The following MYL4 variants were observed in gnomAD, a reference collection of about 807,000 sequenced individuals.
The protein encoded by MYL4 is myosin light chain 4.
In MYL4, 16 loss-of-function variants were observed where a neutral mutation model predicts 21.6. The ratio of observed to expected loss-of-function variants is 0.74; its 90% CI spans 0.50 to 1.12. The LOEUF (loss-of-function observed/expected upper bound fraction) is 1.12. Among genes scored for constraint, MYL4 ranks in the 50% most tolerant of loss-of-function variants. MYL4 has a pLI of 0.00. For missense variants in MYL4, 249 were observed against 252.9 expected (o/e 0.98, Z 0.11); for synonymous variants, 82 against 95.7 (o/e 0.86, Z 0.83).
In MYL4 at chr17:47,221,098, T is replaced by C. The variant is rs9893095; in HGVS notation, c.314-584T>C. On this transcript the variant is annotated intron_variant, in intron 3 of 6. Coordinates refer to ENST00000393450, the MANE Select transcript of MYL4 (RefSeq NM_002476.2). ...TTGTGATATTTAAAAATAGTTTGCCTCTATTAAATTAAAGCCTTTTAAATA... is the reference window on the plus strand; with the variant it reads ...TTGTGATATTTAAAAATAGTTTGCCCCTATTAAATTAAAGCCTTTTAAATA... 8.2e-3 allele frequency among the ~76,000 whole-genome samples: 1,256 copies of C among 152,338 alleles called. 22 individuals carry two copies. The highest frequency in any genetic ancestry group is 0.029 in the African/African-American group (1,217 of 41,574).
chr17:47,225,739 G>T (rs542424359), downstream of MYL4, among the ~76,000 whole-genome samples: 3 of 151,788 alleles, frequency 2.0e-5, no homozygotes, highest in Admixed American at 2.0e-4. Flanking sequence ...TCCCTACCTC[G>T]CAGACTGCTC....
At chr17:47,198,050 A>G (rs1296167886), upstream of MYL4, among the ~76,000 whole-genome samples, 1 of 152,200 alleles carries the variant, frequency 6.6e-6, no homozygotes, top group Non-Finnish European at 1.5e-5. Context: ...TGAGACCAGA[A>G]TTTGAAAAAG....
At chr17:47,225,632 G>A (rs2064882247), downstream of MYL4, among the ~76,000 whole-genome samples, 4 of 152,130 alleles carry the variant, frequency 2.6e-5, no homozygotes, top group Admixed American at 2.6e-4. Context: ...TGTTGACAAG[G>A]TCCCCTGAAT....
At chr17:47,225,855 CT>C (rs60342000), downstream of MYL4, among the ~76,000 whole-genome samples, 2,690 of 113,246 alleles carry the variant, frequency 0.024, 55 homozygotes, top group East Asian at 0.096. Context: ...TCCTTCCCTT[CT>C]TTTTTTTTTT....
chr17:47,207,181 C>G (rs1395234389), upstream of MYL4, among the ~76,000 whole-genome samples: 1 of 152,194 alleles, frequency 6.6e-6, no homozygotes, highest in East Asian at 1.9e-4. Flanking sequence ...TGGTCTCGTT[C>G]TAGTATTCCC....
upstream of MYL4, chr17:47,209,025 T>G: frequency 3.7e-6 from 1 of 267,396 alleles, no homozygotes; most frequent in Non-Finnish European, 7.2e-6. Flanking sequence ...TCCCCTGGGC[T>G]TTGTGTGAGG....
chr17:47,207,892 C>T (rs1276132899), upstream of MYL4, among the ~76,000 whole-genome samples: 1 of 152,180 alleles, frequency 6.6e-6, no homozygotes, highest in Non-Finnish European at 1.5e-5. Context: ...CCAGAGGTGT[C>T]TCTGTTAACA....
chr17:47,213,792 C>A lies in MYL4; in HGVS notation c.136-7C>A. On this transcript the variant is annotated splice_polypyrimidine_tract_variant and splice_region_variant and intron_variant, in intron 1 of 6. Transcript: ENST00000393450. ...CCAAGCCCTCACTACTATTTCCCTC[C>A]CTACAGATAGACTTCACTGCCGACC... 6.2e-7 allele frequency: 1 copy of A among 1,614,106 alleles called. No homozygotes were observed. The highest frequency in any genetic ancestry group is 2.2e-5 in the East Asian group (1 of 44,884).
At chr17:47,204,035 T>C (rs1484403596), upstream of MYL4, among the ~76,000 whole-genome samples, 1 of 152,174 alleles carries the variant, frequency 6.6e-6, no homozygotes, top group East Asian at 1.9e-4. Flanking sequence ...GGGGGAACAT[T>C]TGTCTAAAGT....
At chr17:47,193,324 A>C in the MYL4 span, among the ~76,000 whole-genome samples, 1 of 150,394 alleles carries the variant, frequency 6.6e-6, no homozygotes, top group East Asian at 2.0e-4. Flanking sequence ...CTGGAGTGCA[A>C]TGGCGCTATC....
upstream of MYL4, among the ~76,000 whole-genome samples, chr17:47,199,697 C>T (rs2078434092): frequency 6.8e-6 from 1 of 147,290 alleles, no homozygotes. Flanking sequence ...AAAGTACCTG[C>T]ATATTGTAGG....
intron 2 of MYL4, among the ~76,000 whole-genome samples, chr17:47,217,627 T>C (rs1020667865): frequency 5.9e-5 from 9 of 152,228 alleles, no homozygotes; most frequent in Non-Finnish European, 1.2e-4. Flanking sequence ...AGCAGCATTG[T>C]TTATGCATTT....
At chr17:47,225,190 T>C (rs146358107), downstream of MYL4, among the ~76,000 whole-genome samples, 14 of 152,322 alleles carry the variant, frequency 9.2e-5, no homozygotes, top group East Asian at 2.5e-3. Context: ...CTGAGAACCA[T>C]GAGCCCAAGT....
In MYL4 at chr17:47,222,422, G is replaced by A. The variant is rs2149049181; in HGVS notation, c.530G>A (p.Gly177Glu). Residue 177 changes from glycine (G) to glutamate (E), a missense_variant, in exon 5 of 7, where the codon GGG (glycine) becomes GAG (glutamate). Physicochemically the swap from Gly to Glu is moderately conservative, Grantham distance 98. Coordinates refer to ENST00000393450, the MANE Select transcript of MYL4 (RefSeq NM_002476.2). ...GCTGAAGTGGAGCAGCTGTTAGCTG[G>A]GCAAGAGGATGCCAATGGCTGCATC... is the stretch of plus-strand genomic sequence containing the variant. ...TEAEVEQLLAGQEDANGCINY... is the reference protein window; with the variant it reads ...TEAEVEQLLAEQEDANGCINY... 2 of 1,614,088 alleles carry A rather than the reference G, an allele frequency of 1.2e-6. No homozygotes were observed. The highest frequency in any genetic ancestry group is 8.5e-7 in the Non-Finnish European group (1 of 1,179,974).
chr17:47,222,291 C>A (rs1056476791), intron 4 of MYL4, 89 bp from the exon 5 acceptor site: 40 of 1,272,702 alleles, frequency 3.1e-5, no homozygotes, highest in Middle Eastern at 1.8e-4. Flanking sequence ...CAGTCTTGGA[C>A]CTTCACACTT....
intron 2 of MYL4, chr17:47,214,043 G>A (rs2064796470): frequency 1.9e-6 from 1 of 539,380 alleles, no homozygotes; most frequent in Middle Eastern, 4.3e-4. Flanking sequence ...CCATGAGGTA[G>A]AAATTGTTAC....
downstream of MYL4, among the ~76,000 whole-genome samples, chr17:47,225,201 T>C (rs2064880680): frequency 6.6e-6 from 1 of 152,142 alleles, no homozygotes; most frequent in Non-Finnish European, 1.5e-5. Flanking sequence ...GAGCCCAAGT[T>C]TGCTTTTCTT....
At chr17:47,202,789 T>A (rs2064714397) in intron 1 of MYL4, among the ~76,000 whole-genome samples, 1 of 152,208 alleles carries the variant, frequency 6.6e-6, no homozygotes, top group Admixed American at 6.5e-5. Context: ...TTGTAGCCAA[T>A]TTACATAATA....
chr17:47,219,758 ACG>A (rs1184193795), intron 2 of MYL4, 144 bp from the exon 3 acceptor site: 2 of 978,626 alleles, frequency 2.0e-6, no homozygotes, highest in Non-Finnish European at 3.1e-6. Flanking sequence ...GGTTCGAGGG[ACG>A]GCCTGGGATA....
Sources: allele counts gnomAD v4.1 joint callset (sites outside exome capture counted in the v4.1 genomes callset), GRCh38; gene constraint gnomAD v4.1.1; transcripts MANE v1.5; gene names NCBI Gene and HGNC (gene_info 2026-07-23, HGNC 2026-07-21).